SRGAP1: variants seen among roughly 807,000 people sequenced by gnomAD.
SRGAP1 encodes the protein SLIT-ROBO Rho GTPase-activating protein 1.
Under a neutral mutation model 121.9 loss-of-function variants are expected in SRGAP1, and 43 were observed. That is an observed-to-expected ratio of 0.35 (90% confidence interval 0.28 to 0.46). The LOEUF is 0.46. Among genes scored for constraint, SRGAP1 ranks in the 20% least tolerant of loss-of-function variants. The pLI is 1.00. For synonymous variants in SRGAP1, 447 were observed against 485.4 expected (o/e 0.92, Z 1.04); for missense variants, 1,102 against 1,350.9 (o/e 0.82, Z 2.89).
At chr12:63,868,070 T>G (rs1196423268) in intron 1 of SRGAP1, among the ~76,000 whole-genome samples, 15 of 94,936 alleles carry the variant, frequency 1.6e-4, no homozygotes, top group South Asian at 3.9e-4. Flanking sequence ...TTTTTTTTTT[T>G]TTTTTTTTGT....
In SRGAP1 at chr12:64,152,541, T is replaced by C. The variant is rs2136665603; in HGVS notation, c.*9869T>C. 1.3e-5 allele frequency: 2 copies of C among 152,374 alleles called. No homozygotes were observed. The highest frequency in any genetic ancestry group is 2.9e-5 in the Non-Finnish European group (2 of 68,054). 9.4% of individuals were successfully genotyped at this position (152,374 alleles called of 1,614,324 possible). A position where few individuals can be genotyped will look rare whatever the true frequency, so the allele number is the denominator to read the frequency against. ...TGAAATGAATTCAATGTCTGCCGCT[T>C]TGACCTCAGCCTGCCATTTCAGCCT... On this transcript the variant is annotated 3_prime_UTR_variant, in exon 22 of 22. Coordinates refer to ENST00000355086, the MANE Select transcript of SRGAP1 (RefSeq NM_020762.4).
intron 2 of SRGAP1, among the ~76,000 whole-genome samples, chr12:63,989,403 G>GTT (rs2033496799): frequency 6.6e-6 from 1 of 152,138 alleles, no homozygotes; most frequent in African/African-American, 2.4e-5. Context: ...GAGACTGGAG[G>GTT]TTATGTATCA....
intron 1 of SRGAP1, among the ~76,000 whole-genome samples, chr12:63,974,546 T>C (rs1262426410): frequency 6.6e-6 from 1 of 152,190 alleles, no homozygotes; most frequent in Non-Finnish European, 1.5e-5. Context: ...TTTTTTCTTC[T>C]GGTCTTACTT....
Position 64,025,620 on chromosome 12 carries a change from C to A in SRGAP1, c.489+8608C>A, listed in dbSNP as rs548559108. ...TAAAACGCTCCCAAACTGAAAATAT[C>A]TTTGGAATACCACATTCTCCATGAT... On this transcript the variant is annotated intron_variant, in intron 4 of 21. Transcript: ENST00000355086. Among the ~76,000 whole-genome samples, 67 of 152,250 alleles carry A rather than the reference C, an allele frequency of 4.4e-4. 2 individuals carry two copies. In the South Asian group the frequency reaches 0.012, roughly 26 times the overall value.
Position 63,957,239 on chromosome 12 carries a change from G to A in SRGAP1, c.68-26708G>A, listed in dbSNP as rs530485614. Reference sequence around the variant, plus strand: ...TGAAGATCGTGAATCACAGGCCGGGGTCCTCACCATTGCCCTAACTGGTCC... The same window carrying A: ...TGAAGATCGTGAATCACAGGCCGGGATCCTCACCATTGCCCTAACTGGTCC... On this transcript the variant is annotated intron_variant, in intron 1 of 21. Coordinates refer to ENST00000355086, the MANE Select transcript of SRGAP1 (RefSeq NM_020762.4). Among the ~76,000 whole-genome samples the A allele has an allele frequency of 3.1e-4, 47 of 152,286 alleles. No individual in the cohort carries two copies. In the South Asian group the frequency reaches 9.5e-3, roughly 31 times the overall value.
chr12:64,150,267 G>A lies in SRGAP1; in HGVS notation c.*7595G>A, dbSNP rs2037103277. 1 of 152,146 alleles carries A rather than the reference G, an allele frequency of 6.6e-6. No homozygotes were observed. Among genetic ancestry groups the A allele is most frequent in the South Asian group, 2.1e-4 (1 of 4,830 alleles). 9.4% of individuals were successfully genotyped at this position (152,146 alleles called of 1,614,324 possible). A position where few individuals can be genotyped will look rare whatever the true frequency, so the allele number is the denominator to read the frequency against. ...AGGCAGTTATGGCAGCATGATCCAG[G>A]AGATCGTCAGCTCTAGGATATTTGC... On this transcript the variant is annotated 3_prime_UTR_variant, in exon 22 of 22. Coordinates refer to ENST00000355086, the MANE Select transcript of SRGAP1 (RefSeq NM_020762.4).
At chr12:63,986,550 A>C (rs549067828) in intron 2 of SRGAP1, among the ~76,000 whole-genome samples, 1 of 151,906 alleles carries the variant, frequency 6.6e-6, no homozygotes, top group South Asian at 2.1e-4. Context: ...CAGTCTCCCG[A>C]GTAGCAGGAT....
At chr12:64,095,276 C>A in intron 14 of SRGAP1, 72 bp downstream of exon 14, 2 of 1,357,992 alleles carry the variant, frequency 1.5e-6, no homozygotes, top group Non-Finnish European at 2.1e-6. Flanking sequence ...GAAGTGGCAC[C>A]CTTATTCTGT....
chr12:63,871,846 ATT>A, intron 1 of SRGAP1: 2 of 1,445,964 alleles, frequency 1.4e-6, no homozygotes, highest in Non-Finnish European at 1.9e-6. Context: ...GGCTCAACAC[ATT>A]CCAGCCTTAG....
chr12:64,115,799 A>G lies in SRGAP1; in HGVS notation c.2145-15A>G. 5.6e-6 allele frequency: 9 copies of G among 1,608,720 alleles called. No homozygotes were observed. Among genetic ancestry groups the G allele is most frequent in the Non-Finnish European group, 7.6e-6 (9 of 1,177,342 alleles). ...CTATTTTAATTTCATATGAATTTCCATTTGTATTCTACAGCGACAGCCCAT... is the reference window on the plus strand; with the variant it reads ...CTATTTTAATTTCATATGAATTTCCGTTTGTATTCTACAGCGACAGCCCAT... On this transcript the variant is annotated splice_polypyrimidine_tract_variant and intron_variant, in intron 17 of 21. Coordinates refer to ENST00000355086, the MANE Select transcript of SRGAP1 (RefSeq NM_020762.4).
chr12:63,998,288 G>A (rs1330431006), intron 3 of SRGAP1, among the ~76,000 whole-genome samples: 1 of 152,162 alleles, frequency 6.6e-6, no homozygotes, highest in East Asian at 1.9e-4. Flanking sequence ...AAAGATAGTG[G>A]CATTTACATA....
At chr12:64,026,861 A>G (rs1593056686) in intron 4 of SRGAP1, among the ~76,000 whole-genome samples, 1 of 141,824 alleles carries the variant, frequency 7.1e-6, no homozygotes, top group Non-Finnish European at 1.6e-5. Context: ...GCAAGACTCC[A>G]TCTCAAAAAA....
rs540123743 is a variant in SRGAP1 at position 63,961,059 on chromosome 12, AT to A, written c.68-22880del. Reference sequence around the variant, plus strand: ...AACATATACAAACCTGTAATCATTGATTTTTTTTCCCCACTAGATTTGTGCT... The same window carrying A: ...AACATATACAAACCTGTAATCATTGATTTTTTTCCCCACTAGATTTGTGCT... On this transcript the variant is annotated intron_variant, in intron 1 of 21. Transcript: ENST00000355086. Among the ~76,000 whole-genome samples the A allele has an allele frequency of 1.3e-4, 20 of 152,188 alleles. No homozygotes were observed. The South Asian group carries it at 2.5e-3, about 19-fold the overall frequency.
intron 1 of SRGAP1, chr12:63,983,009 A>C (rs1347855271): frequency 1.3e-5 from 2 of 152,236 alleles, no homozygotes; most frequent in Non-Finnish European, 2.9e-5. Context: ...TAAAAGGTGA[A>C]GGCCAGCTGA....
At chr12:63,898,404 G>T (rs1479057946) in intron 1 of SRGAP1, among the ~76,000 whole-genome samples, 1 of 152,202 alleles carries the variant, frequency 6.6e-6, no homozygotes, top group African/African-American at 2.4e-5. Context: ...ACTTGAATGA[G>T]AACATTTTCC....
chr12:64,046,948 G>A (rs2035142998), intron 6 of SRGAP1, among the ~76,000 whole-genome samples: 1 of 151,848 alleles, frequency 6.6e-6, no homozygotes, highest in South Asian at 2.1e-4. Context: ...CTGAGATTTA[G>A]CTAGGCTAGA....
chr12:64,040,718 G>T (rs1003490536), intron 4 of SRGAP1, among the ~76,000 whole-genome samples: 10 of 152,082 alleles, frequency 6.6e-5, no homozygotes, highest in Non-Finnish European at 1.2e-4. Flanking sequence ...CCGATTTATA[G>T]GTACCGTTAT....
chr12:64,066,101 G>A (rs1436030871), intron 8 of SRGAP1, among the ~76,000 whole-genome samples: 1 of 152,180 alleles, frequency 6.6e-6, no homozygotes, highest in Non-Finnish European at 1.5e-5. Flanking sequence ...TTAACTATTG[G>A]TCAGTGTTTG....
At chr12:63,971,752 G>A (rs2032953492) in intron 1 of SRGAP1, among the ~76,000 whole-genome samples, 2 of 151,108 alleles carry the variant, frequency 1.3e-5, no homozygotes, top group Non-Finnish European at 2.9e-5. Context: ...GGGTATAGGG[G>A]TGTGTGTGTG....
Sources: gnomAD v4.1 joint callset for allele counts (sites outside exome capture counted in the v4.1 genomes callset) on GRCh38, gnomAD v4.1.1 for gene constraint, MANE v1.5 for transcripts, NCBI Gene and HGNC (gene_info 2026-07-23, HGNC 2026-07-21) for gene names.